Variants in CSMD1 observed in about 807,000 individuals in gnomAD.
The protein encoded by CSMD1 is CUB and sushi domain-containing protein 1.
In CSMD1, 213 loss-of-function variants were observed where a neutral mutation model predicts 417.5. The observed-to-expected ratio is 0.51, with a 90% CI of 0.46 to 0.57. CSMD1 has a LOEUF of 0.57. Ranked by LOEUF, CSMD1 falls within the 20% of genes least tolerant of loss-of-function variation. The pLI is 0.00. For missense variants in CSMD1, 6,923 were observed against 4,529.7 expected (o/e 1.53, Z -15.17); for synonymous variants, 2,862 against 1,736.8 (o/e 1.65, Z -16.11).
At chr8:3,844,372 C>T (rs1236566169) in intron 5 of CSMD1, among the ~76,000 whole-genome samples, 13 of 152,124 alleles carry the variant, frequency 8.5e-5, no homozygotes, top group Non-Finnish European at 1.8e-4. Context: ...ATCTGGTAGA[C>T]ACACATACAC....
chr8:3,788,257 A>G lies in CSMD1; in HGVS notation c.819-34215T>C, dbSNP rs573942471. 1.2e-4 allele frequency among the ~76,000 whole-genome samples: 18 copies of G among 152,304 alleles called. No homozygotes were observed. The South Asian group carries it at 3.5e-3, about 30-fold the overall frequency. The stretch of plus-strand genomic sequence containing the variant: ...ACCTGCATTTAAACAAGATGGAGCT[A>G]AACATCAGTTTTCTTTCTTAAGGAA... On this transcript the variant is annotated intron_variant, in intron 5 of 69. Transcript: ENST00000635120.
In CSMD1 at chr8:3,820,494, T is replaced by A. The variant is rs1190680569; in HGVS notation, c.819-66452A>T. Among the ~76,000 whole-genome samples, 6 of 152,218 alleles carry A rather than the reference T, an allele frequency of 3.9e-5. No homozygotes were observed. The East Asian group carries it at 9.6e-4, about 24-fold the overall frequency. ...TTGTCCCACTGGAAGTTTGTCAGGG[T>A]CAACAGCACACGTGAAGCTGACATC... On this transcript the variant is annotated intron_variant, in intron 5 of 69. Coordinates refer to ENST00000635120, the MANE Select transcript of CSMD1 (RefSeq NM_033225.6).
intron 2 of CSMD1, among the ~76,000 whole-genome samples, chr8:4,490,288 C>G (rs914576795): frequency 1.2e-4 from 18 of 152,190 alleles, no homozygotes; most frequent in Non-Finnish European, 8.8e-5. Context: ...GATCCACTCT[C>G]TTCGGCCTCC....
At chr8:3,212,900 G>A (rs369549460) in intron 30 of CSMD1, among the ~76,000 whole-genome samples, 2 of 147,256 alleles carry the variant, frequency 1.4e-5, no homozygotes, top group African/African-American at 5.1e-5. Flanking sequence ...CACAATCTCA[G>A]CTTCCACAAC....
intron 1 of CSMD1, among the ~76,000 whole-genome samples, chr8:4,888,504 T>TGAGAGAGA (rs147909163): frequency 6.9e-6 from 1 of 145,234 alleles, no homozygotes; most frequent in Non-Finnish European, 1.5e-5. Flanking sequence ...GACTGATAGA[T>TGAGAGAGA]GAGAGAGAGA....
chr8:4,376,348 C>A (rs1361009738), intron 3 of CSMD1, among the ~76,000 whole-genome samples: 1 of 152,186 alleles, frequency 6.6e-6, no homozygotes, highest in African/African-American at 2.4e-5. Context: ...TACCTATAAT[C>A]TCAACTCTTA....
intron 3 of CSMD1, among the ~76,000 whole-genome samples, chr8:4,081,258 T>C (rs1369757693): frequency 6.6e-6 from 1 of 152,200 alleles, no homozygotes; most frequent in African/African-American, 2.4e-5. Context: ...TGGTAGCTCA[T>C]TTTGAAATAC....
intron 5 of CSMD1, among the ~76,000 whole-genome samples, chr8:3,888,010 A>G (rs1806679221): frequency 6.6e-6 from 1 of 152,212 alleles, no homozygotes; most frequent in African/African-American, 2.4e-5. Flanking sequence ...AAGGAGTCCA[A>G]CTTCTGGCAG....
chr8:4,225,290 T>C (rs1585053443), intron 3 of CSMD1, among the ~76,000 whole-genome samples: 1 of 152,204 alleles, frequency 6.6e-6, no homozygotes, highest in Non-Finnish European at 1.5e-5. Flanking sequence ...TATTTAATCA[T>C]GTTTTAAACT....
intron 30 of CSMD1, among the ~76,000 whole-genome samples, chr8:3,211,717 T>G (rs1246739179): frequency 6.6e-6 from 1 of 152,184 alleles, no homozygotes; most frequent in African/African-American, 2.4e-5. Flanking sequence ...CACCTTTCAG[T>G]GCTGCCGTTG....
chr8:4,026,829 G>A (rs983268094), intron 4 of CSMD1, among the ~76,000 whole-genome samples: 5 of 152,186 alleles, frequency 3.3e-5, no homozygotes, highest in African/African-American at 1.2e-4. Flanking sequence ...GGAGATGACA[G>A]GGAGACTCTG....
intron 12 of CSMD1, among the ~76,000 whole-genome samples, chr8:3,413,866 C>T (rs1011296617): frequency 6.6e-5 from 10 of 151,972 alleles, no homozygotes; most frequent in Admixed American, 1.3e-4. Context: ...CAGCCAGATG[C>T]GGTAGCTCAC....
chr8:3,462,009 G>C (rs989293264), intron 12 of CSMD1, among the ~76,000 whole-genome samples: 3 of 152,144 alleles, frequency 2.0e-5, no homozygotes, highest in Non-Finnish European at 4.4e-5. Flanking sequence ...TAGGAAACGA[G>C]GCCAGTCAGA....
At chr8:3,918,942 T>A (rs1458565276) in intron 5 of CSMD1, among the ~76,000 whole-genome samples, 3 of 150,908 alleles carry the variant, frequency 2.0e-5, no homozygotes, top group African/African-American at 7.3e-5. Context: ...GCTGCTCGGG[T>A]GATGGGTACA....
intron 6 of CSMD1, among the ~76,000 whole-genome samples, chr8:3,743,992 A>T (rs566728245): frequency 6.6e-6 from 1 of 152,318 alleles, no homozygotes; most frequent in South Asian, 2.1e-4. Context: ...TACCCCCGTT[A>T]CATGAAAATT....
At chr8:4,151,386 C>G (rs1345928110) in intron 3 of CSMD1, among the ~76,000 whole-genome samples, 1 of 152,134 alleles carries the variant, frequency 6.6e-6, no homozygotes, top group Non-Finnish European at 1.5e-5. Context: ...CTAGATCCTG[C>G]TGACCAAGAA....
chr8:3,401,657 A>T (rs1812046147), intron 15 of CSMD1, among the ~76,000 whole-genome samples: 1 of 152,198 alleles, frequency 6.6e-6, no homozygotes, highest in East Asian at 1.9e-4. Flanking sequence ...TGGCATGTCT[A>T]GGTCTGTGAG....
intron 49 of CSMD1, among the ~76,000 whole-genome samples, chr8:3,066,827 C>T (rs1039140196): frequency 1.3e-5 from 2 of 152,116 alleles, no homozygotes; most frequent in Non-Finnish European, 2.9e-5. Context: ...CTCCACAATT[C>T]CTCTGGCCTC....
intron 23 of CSMD1, among the ~76,000 whole-genome samples, chr8:3,324,057 A>C (rs1410501742): frequency 6.6e-6 from 1 of 150,398 alleles, no homozygotes; most frequent in Non-Finnish European, 1.5e-5. Context: ...CATCATTGTT[A>C]AAATAGACAC....
Sources: allele counts gnomAD v4.1 joint callset (sites outside exome capture counted in the v4.1 genomes callset), GRCh38; gene constraint gnomAD v4.1.1; transcripts MANE v1.5; gene names NCBI Gene and HGNC (gene_info 2026-07-23, HGNC 2026-07-21).